COBL: variants seen among roughly 807,000 people sequenced by gnomAD.
The protein encoded by COBL is cordon-bleu WH2 repeat protein, also known as protein cordon-bleu.
COBL carries 51 observed loss-of-function variants against 98.8 expected under a neutral mutation model. The ratio of observed to expected loss-of-function variants is 0.52; its 90% CI spans 0.41 to 0.65. The LOEUF is 0.65. COBL is among the 30% of genes least tolerant of loss of function. The probability of loss-of-function intolerance (pLI) is 0.00; values close to 1 mark genes in which losing one functional copy is unlikely to be tolerated. For synonymous variants in COBL, 634 were observed against 651.7 expected (o/e 0.97, Z 0.41); for missense variants, 1,617 against 1,617.5 (o/e 1.00, Z 0.01).
intron 7 of COBL, chr7:51,072,660 TGAAGAA>T (rs1792679153): frequency 6.6e-6 from 1 of 152,124 alleles, no homozygotes; most frequent in South Asian, 2.1e-4. Context: ...AATAAATGGG[TGAAGAA>T]ATGAATAGAA....
intron 11 of COBL, among the ~76,000 whole-genome samples, chr7:51,025,702 G>A (rs1787483503): frequency 6.6e-6 from 1 of 152,168 alleles, no homozygotes. Context: ...TCATTTACAA[G>A]CCACCCAGTC....
At chr7:51,254,533 T>C (rs1055856549) in intron 1 of COBL, among the ~76,000 whole-genome samples, 7 of 152,174 alleles carry the variant, frequency 4.6e-5, no homozygotes, top group African/African-American at 1.7e-4. Context: ...TGTGCACATA[T>C]ACCCTTGTTA....
At chr7:51,055,712 G>C (rs1398874470) in intron 7 of COBL, among the ~76,000 whole-genome samples, 1 of 152,198 alleles carries the variant, frequency 6.6e-6, no homozygotes, top group East Asian at 1.9e-4. Context: ...GGCTTCCTTC[G>C]TACCTCCCCC....
chr7:51,039,676 A>T (rs1788980299), intron 8 of COBL, among the ~76,000 whole-genome samples: 1 of 152,268 alleles, frequency 6.6e-6, no homozygotes, highest in Non-Finnish European at 1.5e-5. Context: ...CAAAGCTGAC[A>T]AATAGGCAAG....
Position 51,214,948 on chromosome 7 carries a change from G to A in COBL, c.245+4793C>T, listed in dbSNP as rs572881491. Among the ~76,000 whole-genome samples the A allele has an allele frequency of 2.6e-5, 4 of 152,126 alleles. No homozygotes were observed. In the East Asian group the frequency reaches 7.7e-4, roughly 29 times the overall value. ...AACATACCTCCTGCTTCTCAGCCTAGCTTCAAGCAATATTGAATGCCCTGC... is the reference window on the plus strand; with the variant it reads ...AACATACCTCCTGCTTCTCAGCCTAACTTCAAGCAATATTGAATGCCCTGC... On this transcript the variant is annotated intron_variant, in intron 2 of 12. Transcript: ENST00000265136.
chr7:51,168,952 C>CCCT (rs1470372166), intron 5 of COBL, among the ~76,000 whole-genome samples: 2 of 152,076 alleles, frequency 1.3e-5, no homozygotes, highest in Non-Finnish European at 2.9e-5. Flanking sequence ...CTGAATGGAC[C>CCCT]CCTCTTCTCA....
At chr7:51,170,525 ATAT>A (rs1562991287) in intron 5 of COBL, among the ~76,000 whole-genome samples, 6 of 147,030 alleles carry the variant, frequency 4.1e-5, no homozygotes, top group African/African-American at 1.2e-4. Context: ...ATATATATAT[ATAT>A]ATAAATATAT....
At position 51,128,432 on chromosome 7, in the gene COBL, A is replaced by G. The variant is rs993486494; in HGVS notation, c.957+7726T>C. Among the ~76,000 whole-genome samples the G allele has an allele frequency of 8.5e-5, 13 of 152,280 alleles. No individual in the cohort carries two copies. In the East Asian group the frequency reaches 2.5e-3, roughly 29 times the overall value. On this transcript the variant is annotated intron_variant, in intron 6 of 12. Transcript: ENST00000265136. ...AGACATTGGAAGACCAAACTGAGTG[A>G]AGGGAATTTAAAAAGACAGCCAGAT...
chr7:51,100,265 C>T (rs892414173), intron 6 of COBL, among the ~76,000 whole-genome samples: 4 of 152,210 alleles, frequency 2.6e-5, no homozygotes, highest in Admixed American at 2.6e-4. Context: ...CACGATTTCA[C>T]TTACTCCTTC....
intron 10 of COBL, among the ~76,000 whole-genome samples, chr7:51,027,396 G>T (rs1263857685): frequency 1.3e-5 from 2 of 152,198 alleles, no homozygotes; most frequent in Non-Finnish European, 2.9e-5. Context: ...ATATGGATGG[G>T]CCTGCCCCTG....
At chr7:51,039,082 C>A (rs1200012439) in intron 8 of COBL, among the ~76,000 whole-genome samples, 1 of 152,192 alleles carries the variant, frequency 6.6e-6, no homozygotes, top group African/African-American at 2.4e-5. Context: ...CCTCTCTGGG[C>A]AGCCTCCTCT....
At chr7:51,110,467 A>C (rs1355126724) in intron 6 of COBL, among the ~76,000 whole-genome samples, 1 of 152,108 alleles carries the variant, frequency 6.6e-6, no homozygotes, top group African/African-American at 2.4e-5. Flanking sequence ...GCAGAATAGT[A>C]CTCTATTGTG....
At chr7:51,070,426 A>C (rs946750980) in intron 7 of COBL, among the ~76,000 whole-genome samples, 3 of 52,016 alleles carry the variant, frequency 5.8e-5, no homozygotes, top group African/African-American at 1.1e-4. Flanking sequence ...CACACACACA[A>C]AATTCCGAGA....
At chr7:51,051,038 G>A (rs1790184214) in intron 7 of COBL, among the ~76,000 whole-genome samples, 1 of 151,934 alleles carries the variant, frequency 6.6e-6, no homozygotes, top group Non-Finnish European at 1.5e-5. Flanking sequence ...CCGTTATTTG[G>A]ATTATACACT....
At chr7:51,263,098 A>G (rs1305916724) in intron 1 of COBL, among the ~76,000 whole-genome samples, 1 of 152,184 alleles carries the variant, frequency 6.6e-6, no homozygotes, top group Non-Finnish European at 1.5e-5. Context: ...CATTAATACA[A>G]AGTGGTGGTG....
At chr7:51,174,280 C>T (rs1350794026) in intron 5 of COBL, among the ~76,000 whole-genome samples, 2 of 152,120 alleles carry the variant, frequency 1.3e-5, no homozygotes, top group Non-Finnish European at 2.9e-5. Flanking sequence ...CAAAATGGAG[C>T]TGATAATGCC....
At chr7:51,085,502 A>T (rs1794145050) in intron 6 of COBL, among the ~76,000 whole-genome samples, 198 bp from the exon 7 acceptor site, 1 of 152,170 alleles carries the variant, frequency 6.6e-6, no homozygotes, top group African/African-American at 2.4e-5. Flanking sequence ...AGACCAGCGG[A>T]TGTCCAAGGA....
chr7:51,105,550 A>G (rs1471411109), intron 6 of COBL, among the ~76,000 whole-genome samples: 1 of 152,160 alleles, frequency 6.6e-6, no homozygotes, highest in Non-Finnish European at 1.5e-5. Flanking sequence ...GGAATTTGAG[A>G]CCAGCCTGGG....
chr7:51,065,415 C>T (rs766072843), intron 7 of COBL: 2 of 702,808 alleles, frequency 2.8e-6, no homozygotes, highest in African/African-American at 1.7e-5. Context: ...GAAGCAAGCT[C>T]AGAAGTCTTA....
Sources: gnomAD v4.1 joint callset for allele counts (sites outside exome capture counted in the v4.1 genomes callset) on GRCh38, gnomAD v4.1.1 for gene constraint, MANE v1.5 for transcripts, NCBI Gene and HGNC (gene_info 2026-07-23, HGNC 2026-07-21) for gene names.